CTNNA3: variants seen among roughly 807,000 people sequenced by gnomAD.
CTNNA3 encodes catenin alpha-3.
In CTNNA3, 76 loss-of-function variants were observed where a neutral mutation model predicts 95.7. That is an observed-to-expected ratio of 0.79 (90% CI 0.66 to 0.96). The LOEUF (loss-of-function observed/expected upper bound fraction) is 0.96, where lower values mean the gene tolerates loss of function less well. CTNNA3 is among the 40% of genes least tolerant of loss of function. The pLI is 0.00. For synonymous variants in CTNNA3, 431 were observed against 374.4 expected (o/e 1.15, Z -1.74); for missense variants, 1,191 against 1,089.8 (o/e 1.09, Z -1.31).
chr10:66,238,709 A>T (rs10762035), intron 13 of CTNNA3, among the ~76,000 whole-genome samples: 122,262 of 151,434 alleles, frequency 0.81, 49,699 homozygotes, highest in South Asian at 0.94. Flanking sequence ...ATTTTTTTCA[A>T]ATATCTTCAC....
chr10:67,189,935 T>C (rs951693445), intron 6 of CTNNA3, among the ~76,000 whole-genome samples: 1 of 152,156 alleles, frequency 6.6e-6, no homozygotes, highest in Non-Finnish European at 1.5e-5. Context: ...AAAAGATGTA[T>C]ACCACCCACA....
At chr10:66,008,893 A>G (rs1188299499) in intron 15 of CTNNA3, among the ~76,000 whole-genome samples, 1 of 152,078 alleles carries the variant, frequency 6.6e-6, no homozygotes, top group African/African-American at 2.4e-5. Context: ...TGAGGTCAGG[A>G]GTTCAAGACC....
At chr10:66,748,639 A>G (rs1476851654) in intron 9 of CTNNA3, among the ~76,000 whole-genome samples, 2 of 152,198 alleles carry the variant, frequency 1.3e-5, no homozygotes, top group African/African-American at 4.8e-5. Flanking sequence ...TTTACCTGAG[A>G]TTTGTTAAAT....
chr10:66,459,060 C>G (rs2131842742), intron 11 of CTNNA3, among the ~76,000 whole-genome samples: 1 of 152,290 alleles, frequency 6.6e-6, no homozygotes, highest in African/African-American at 2.4e-5. Context: ...CTCATCTTCT[C>G]CCAGAGACAG....
At chr10:66,894,715 G>T (rs1013877247) in intron 7 of CTNNA3, among the ~76,000 whole-genome samples, 2 of 151,584 alleles carry the variant, frequency 1.3e-5, no homozygotes, top group Non-Finnish European at 2.9e-5. Flanking sequence ...CTGATAATAC[G>T]TATCACTGAT....
chr10:66,079,400 A>G (rs996522622), intron 14 of CTNNA3: 1 of 152,052 alleles, frequency 6.6e-6, no homozygotes, highest in African/African-American at 2.4e-5. Flanking sequence ...TTATAATGAC[A>G]AATTATATGA....
intron 10 of CTNNA3, among the ~76,000 whole-genome samples, chr10:66,593,183 G>A (rs1843607814): frequency 6.6e-6 from 1 of 152,100 alleles, no homozygotes; most frequent in South Asian, 2.1e-4. Flanking sequence ...ATCTTGCTTA[G>A]ACATACTGAA....
intron 7 of CTNNA3, among the ~76,000 whole-genome samples, chr10:66,919,149 A>C (rs1188655268): frequency 6.6e-6 from 1 of 151,688 alleles, no homozygotes; most frequent in Non-Finnish European, 1.5e-5. Flanking sequence ...AAAAAAAAAA[A>C]AAAAAAGACA....
chr10:67,621,440 G>C (rs1208508232), intron 2 of CTNNA3, among the ~76,000 whole-genome samples: 1 of 152,066 alleles, frequency 6.6e-6, no homozygotes, highest in Non-Finnish European at 1.5e-5. Flanking sequence ...GGAGTGCAGA[G>C]TAGCTCCATG....
At chr10:66,393,924 T>G (rs1400237329) in intron 11 of CTNNA3, among the ~76,000 whole-genome samples, 1 of 152,046 alleles carries the variant, frequency 6.6e-6, no homozygotes, top group African/African-American at 2.4e-5. Context: ...TAAAAAATGC[T>G]AAAGTCTCAT....
intron 5 of CTNNA3, among the ~76,000 whole-genome samples, chr10:67,294,351 T>C (rs112545777): frequency 0.012 from 1,878 of 152,320 alleles, 23 homozygotes; most frequent in Middle Eastern, 0.034. Flanking sequence ...GGTAATTACA[T>C]ACATACAATC....
chr10:66,531,919 A>C (rs1589384127), intron 10 of CTNNA3, among the ~76,000 whole-genome samples: 1 of 152,290 alleles, frequency 6.6e-6, no homozygotes, highest in Admixed American at 6.5e-5. Flanking sequence ...GAGATTTAAT[A>C]AGTTTAGAAT....
At chr10:66,439,805 C>A (rs2131781889) in intron 11 of CTNNA3, among the ~76,000 whole-genome samples, 1 of 152,098 alleles carries the variant, frequency 6.6e-6, no homozygotes, top group South Asian at 2.1e-4. Flanking sequence ...ACTATTAGAT[C>A]ATATATAAGG....
At chr10:66,743,621 A>G (rs955001831) in intron 9 of CTNNA3, among the ~76,000 whole-genome samples, 18 of 152,266 alleles carry the variant, frequency 1.2e-4, no homozygotes, top group African/African-American at 4.1e-4. Flanking sequence ...CTAGTTATTC[A>G]TAAAGGGGAA....
At chr10:66,027,361 TA>T (rs1486988570) in intron 15 of CTNNA3, among the ~76,000 whole-genome samples, 4 of 152,188 alleles carry the variant, frequency 2.6e-5, no homozygotes, top group Non-Finnish European at 5.9e-5. Flanking sequence ...CAATTAGTCT[TA>T]TTGTTGTTAG....
chr10:66,350,447 A>G (rs904270204), intron 12 of CTNNA3, among the ~76,000 whole-genome samples: 5 of 152,114 alleles, frequency 3.3e-5, no homozygotes, highest in Non-Finnish European at 5.9e-5. Flanking sequence ...AATCAAAAAT[A>G]GAATGTTGAA....
In CTNNA3 at chr10:66,951,832, G is replaced by C. The variant is rs181416995; in HGVS notation, c.1048-176308C>G. Among the ~76,000 whole-genome samples the C allele has an allele frequency of 6.3e-3, 952 of 152,282 alleles. 3 individuals carry two copies. The highest frequency in any genetic ancestry group is 0.017 in the Middle Eastern group (5 of 294). On this transcript the variant is annotated intron_variant, in intron 7 of 17. Coordinates refer to ENST00000433211, the MANE Select transcript of CTNNA3 (RefSeq NM_013266.4). ...GAGGTAGGGGATGCATACAGAGATA[G>C]GCTCATCTCACCTGGCCTGATTAAG...
intron 12 of CTNNA3, among the ~76,000 whole-genome samples, chr10:66,305,140 AC>A (rs1316839219): frequency 6.6e-6 from 1 of 152,042 alleles, no homozygotes; most frequent in Non-Finnish European, 1.5e-5. Flanking sequence ...TCTTGCTTCC[AC>A]CCAAGAATCT....
chr10:66,768,654 T>G (rs1166155946), intron 8 of CTNNA3, among the ~76,000 whole-genome samples: 1 of 152,134 alleles, frequency 6.6e-6, no homozygotes, highest in Non-Finnish European at 1.5e-5. Flanking sequence ...TTCCTCACCT[T>G]TCTACCAAGA....
Sources: gnomAD v4.1 joint callset for allele counts (sites outside exome capture counted in the v4.1 genomes callset) on GRCh38, gnomAD v4.1.1 for gene constraint, MANE v1.5 for transcripts, NCBI Gene and HGNC (gene_info 2026-07-23, HGNC 2026-07-21) for gene names.